The following PCNX4 variants were observed in gnomAD, a reference collection of about 807,000 sequenced individuals.
The protein encoded by PCNX4 is pecanex 4.
In PCNX4, 103 loss-of-function variants were observed where a neutral mutation model predicts 107.2. The ratio of observed to expected loss-of-function variants is 0.96; its 90% CI spans 0.82 to 1.13. The LOEUF is 1.13. PCNX4 is among the 50% of genes most tolerant of loss of function. The pLI is 0.00. For missense variants in PCNX4, 1,528 were observed against 1,379.4 expected (o/e 1.11, Z -1.71); for synonymous variants, 541 against 481.7 (o/e 1.12, Z -1.61).
intron 10 of PCNX4, among the ~76,000 whole-genome samples, chr14:60,127,605 TAAAC>T (rs1367560634): frequency 6.6e-6 from 1 of 152,108 alleles, no homozygotes; most frequent in Admixed American, 6.6e-5. Flanking sequence ...AGCCAATCAC[TAAAC>T]AAACAAGTAC....
rs2067646599 is a variant in PCNX4 at position 60,142,241 on chromosome 14, A to G, written c.*8020A>G. ...ACACTTTAAATATATGCAGTTTATC[A>G]TACATCAATTATACCTCAGTAAAGG... is the stretch of plus-strand genomic sequence containing the variant. On this transcript the variant is annotated 3_prime_UTR_variant, in exon 11 of 11. Transcript: ENST00000406854. The surrounding 1 kb of genome is among the most constrained non-coding windows in gnomAD (Gnocchi z 4.7). 1.3e-5 allele frequency: 2 copies of G among 152,234 alleles called. No homozygotes were observed. The highest frequency in any genetic ancestry group is 1.9e-4 in the East Asian group (1 of 5,204). 9.4% of individuals were successfully genotyped at this position (152,234 alleles called of 1,614,324 possible).
chr14:60,109,769 T>C (rs1486236384), intron 2 of PCNX4: 1 of 167,276 alleles, frequency 6.0e-6, no homozygotes, highest in African/African-American at 2.4e-5. Flanking sequence ...GCTAGAAATA[T>C]GGACATTAAG....
At chr14:60,115,696 T>C in intron 4 of PCNX4, 23 bp from the exon 5 acceptor site, 2 of 1,587,094 alleles carry the variant, frequency 1.3e-6, no homozygotes, top group Non-Finnish European at 1.7e-6. Context: ...TAATTAAATT[T>C]CTCTCTTTTT....
chr14:60,125,813 A>T lies in PCNX4; in HGVS notation c.3257A>T (p.Asp1086Val). The T allele has an allele frequency of 6.2e-7, 1 of 1,603,364 alleles. No homozygotes were observed. Among genetic ancestry groups the T allele is most frequent in the Non-Finnish European group, 8.5e-7 (1 of 1,176,218 alleles). ...EKPYLFSLGY[D>V]SNMGIYTGRV... ...CCATACTTGTTTTCTCTGGGGTATG[A>T]TTCTAATATGGTAAGGTTAAAAAAT... The change falls in exon 10 of 11, where the codon GAT becomes GTT. Residue 1086 changes from aspartate (D) to valine (V), a missense_variant. By Grantham distance (152) the Asp-to-Val change is radical. Coordinates refer to ENST00000406854, the MANE Select transcript of PCNX4 (RefSeq NM_001330177.2).
rs1026759413 is a variant in PCNX4, at chr14:60,147,907, G to T, written c.*13686G>T. The T allele has an allele frequency of 2.0e-5, 3 of 152,274 alleles. No individual in the cohort carries two copies. Among genetic ancestry groups the T allele is most frequent in the African/African-American group, 7.2e-5 (3 of 41,542 alleles). 9.4% of individuals were successfully genotyped at this position (152,274 alleles called of 1,614,324 possible). On this transcript the variant is annotated 3_prime_UTR_variant, in exon 11 of 11. Coordinates refer to ENST00000406854, the MANE Select transcript of PCNX4 (RefSeq NM_001330177.2). ...TGGGCACAAAGCTACTGCATCAGCT[G>T]TCCTCCATATTTAAAACTCAGGTAT...
At chr14:60,116,818 T>C (rs1895857211) in intron 6 of PCNX4, among the ~76,000 whole-genome samples, 1 of 152,296 alleles carries the variant, frequency 6.6e-6, no homozygotes. Flanking sequence ...CTGAAGACTT[T>C]CCAGTGGAAC....
At chr14:60,131,954 G>T (rs1269640565) in intron 10 of PCNX4, among the ~76,000 whole-genome samples, 1 of 152,158 alleles carries the variant, frequency 6.6e-6, no homozygotes, top group Non-Finnish European at 1.5e-5. Flanking sequence ...ATCATCTTCC[G>T]ATAGCAACAT....
chr14:60,099,770 G>A (rs935117055), intron 1 of PCNX4, among the ~76,000 whole-genome samples: 1 of 152,094 alleles, frequency 6.6e-6, no homozygotes, highest in Non-Finnish European at 1.5e-5. Flanking sequence ...TAAGAAAAAG[G>A]TAATGGTCAG....
At position 60,125,832 on chromosome 14, in the gene PCNX4, A is replaced by T; in HGVS notation, c.3267+9A>T. 2 of 1,578,588 alleles carry T rather than the reference A, an allele frequency of 1.3e-6. No homozygotes were observed. The highest frequency in any genetic ancestry group is 1.7e-6 in the Non-Finnish European group (2 of 1,164,530). The stretch of plus-strand genomic sequence containing the variant: ...GGTATGATTCTAATATGGTAAGGTT[A>T]AAAAATTTTTAAACTTACATATACT... On this transcript the variant is annotated intron_variant, in intron 10 of 10. Coordinates refer to ENST00000406854, the MANE Select transcript of PCNX4 (RefSeq NM_001330177.2).
chr14:60,120,290 G>A (rs1176080460), intron 7 of PCNX4, among the ~76,000 whole-genome samples: 1 of 152,194 alleles, frequency 6.6e-6, no homozygotes, highest in Non-Finnish European at 1.5e-5. Context: ...GAGACTCAAT[G>A]CCCAGGGCTT....
chr14:60,103,898 A>G (rs1895579916), intron 1 of PCNX4, among the ~76,000 whole-genome samples: 1 of 152,248 alleles, frequency 6.6e-6, no homozygotes, highest in Non-Finnish European at 1.5e-5. Flanking sequence ...CTGAGCCAGT[A>G]ATACTATGAA....
intron 10 of PCNX4, among the ~76,000 whole-genome samples, chr14:60,130,470 C>G (rs1178484142): frequency 6.6e-6 from 1 of 152,036 alleles, no homozygotes; most frequent in Non-Finnish European, 1.5e-5. Flanking sequence ...TCACAGTGAA[C>G]ATCATCATTA....
At chr14:60,102,733 GGCATCCATACCAAT>G (rs1895556774) in intron 1 of PCNX4, among the ~76,000 whole-genome samples, 1 of 151,840 alleles carries the variant, frequency 6.6e-6, no homozygotes, top group African/African-American at 2.4e-5. Context: ...TTGTAGAGGT[GGCATCCATACCAAT>G]GCATCAGTTC....
In PCNX4 at chr14:60,124,743, G is replaced by C. The variant is rs1286067863; in HGVS notation, c.2572G>C (p.Glu858Gln). Residue 858 changes from glutamate (E) to glutamine (Q), a missense_variant, in exon 9 of 11, where the codon GAA becomes CAA. Transcript: ENST00000406854. ...AAATTTGTTTATTCCAGGATCAGTA[G>C]AATCACAGAGGGTTGGTGATCATTC... is the stretch of plus-strand genomic sequence containing the variant. ...GTNLFIPGSVESQRVGDHSTG... is the reference protein window; with the variant it reads ...GTNLFIPGSVQSQRVGDHSTG... 2 of 1,613,004 alleles carry C rather than the reference G, an allele frequency of 1.2e-6. No homozygotes were observed. The highest frequency in any genetic ancestry group is 2.7e-5 in the African/African-American group (2 of 74,914).
rs576915642 is a variant in PCNX4 at position 60,124,543 on chromosome 14, C to T, written c.2372C>T (p.Ala791Val). 9.9e-6 allele frequency: 16 copies of T among 1,613,718 alleles called. 1 individual carries two copies. The South Asian group carries it at 1.3e-4, about 13-fold the overall frequency. The change falls in exon 9 of 11, where the codon GCA (alanine) becomes GTA (valine). Residue 791 changes from alanine (A) to valine (V), a missense_variant. Transcript: ENST00000406854. The stretch of plus-strand genomic sequence containing the variant: ...CACAACACTGAAAATAAAGGGAAAG[C>T]ACCTCTAATGTTGCCTGCTTTGAAC... ...NVHNTENKGK[A>V]PLMLPALNTL...
At position 60,137,648 on chromosome 14, in the gene PCNX4, C is replaced by CTA. The variant is rs1896255044; in HGVS notation, c.*3430_*3431dup. ...AGCCACAGGGGACCCAGATAATGAG[C>CTA]TATACAACACAGGGTCTAAAATTAC... is the stretch of plus-strand genomic sequence containing the variant. On this transcript the variant is annotated 3_prime_UTR_variant, in exon 11 of 11. Transcript: ENST00000406854. 1 of 152,128 alleles carries CTA rather than the reference C, an allele frequency of 6.6e-6. No homozygotes were observed. 9.4% of individuals were successfully genotyped at this position (152,128 alleles called of 1,614,324 possible).
chr14:60,124,443 G>T lies in PCNX4; in HGVS notation c.2272G>T (p.Gly758Cys). The T allele has an allele frequency of 6.2e-7, 1 of 1,613,616 alleles. No homozygotes were observed. Among genetic ancestry groups the T allele is most frequent in the Non-Finnish European group, 8.5e-7 (1 of 1,179,702 alleles). Residue 758 changes from glycine (G) to cysteine (C), a missense_variant, in exon 9 of 11, where the codon GGT becomes TGT. Transcript: ENST00000406854. ...TCATGAAAACTTAAAAGAATTTAAA[G>T]GTGACCTCATTAAAGTACTTGTGTG... ...DSHENLKEFK[G>C]DLIKVLVWIL...
At chr14:60,104,563 A>G (rs1393375281) in intron 1 of PCNX4, among the ~76,000 whole-genome samples, 3 of 152,176 alleles carry the variant, frequency 2.0e-5, no homozygotes, top group African/African-American at 7.2e-5. Context: ...AAGACTGGGT[A>G]ATTTATAAAG....
intron 2 of PCNX4, chr14:60,109,174 A>G (rs1264890921): frequency 6.0e-6 from 1 of 167,084 alleles, no homozygotes; most frequent in African/African-American, 2.4e-5. Context: ...AAATGTGGCC[A>G]CCTGCAAGTC....
Sources: allele counts gnomAD v4.1 joint callset (sites outside exome capture counted in the v4.1 genomes callset), GRCh38; gene constraint gnomAD v4.1.1; non-coding constraint Gnocchi (gnomAD v3.1); transcripts MANE v1.5; gene names NCBI Gene and HGNC (gene_info 2026-07-23, HGNC 2026-07-21).